Variants in PTPN13 observed in about 807,000 individuals in gnomAD.
PTPN13 encodes the protein protein tyrosine phosphatase non-receptor type 13.
PTPN13 carries 191 observed loss-of-function variants against 284.0 expected under a neutral mutation model. The observed-to-expected ratio is 0.67, with a 90% CI of 0.60 to 0.76. The LOEUF is 0.76. Among genes scored for constraint, PTPN13 ranks in the 30% least tolerant of loss-of-function variants. PTPN13 has a pLI of 0.00. For synonymous variants in PTPN13, 986 were observed against 1,022.3 expected, an observed-to-expected ratio of 0.96 and a Z score of 0.68; for missense variants, 2,797 against 2,939.9, an observed-to-expected ratio of 0.95 and a Z score of 1.12.
At chr4:86,747,569 CAGCAGCAGCAGCAGT>C (rs1565475475) in intron 17 of PTPN13, among the ~76,000 whole-genome samples, 8 of 151,194 alleles carry the variant, frequency 5.3e-5, no homozygotes, top group African/African-American at 1.7e-4. Flanking sequence ...GCAGCAGCAG[CAGCAGCAGCAGCAGT>C]AGTAGTAGTA....
chr4:86,712,083 G>C (rs2149051215), intron 7 of PTPN13, among the ~76,000 whole-genome samples: 1 of 152,114 alleles, frequency 6.6e-6, no homozygotes, highest in South Asian at 2.1e-4. Flanking sequence ...TTTTGTGTCT[G>C]TTTGAAGTTT....
At chr4:86,721,850 A>G (rs1733705016) in intron 9 of PTPN13, among the ~76,000 whole-genome samples, 1 of 150,958 alleles carries the variant, frequency 6.6e-6, no homozygotes, top group Non-Finnish European at 1.5e-5. Context: ...GGCTCAATCA[A>G]TTCTACACCT....
In PTPN13 at chr4:86,796,889, G is replaced by A. The variant is rs1424296058; in HGVS notation, c.6361G>A (p.Gly2121Ser). The A allele has an allele frequency of 1.4e-5, 21 of 1,488,800 alleles. No individual in the cohort carries two copies. Among genetic ancestry groups the A allele is most frequent in the Admixed American group, 1.8e-5 (1 of 54,480 alleles). The allele number at this position is 1,488,800 out of a possible 1,614,324, so 92.2% of individuals were successfully genotyped here. Reference protein sequence around the residue: ...EYFTEATKMNGCEEYCEEKVK... With the variant: ...EYFTEATKMNSCEEYCEEKVK... ...TTTATTGTAGGCCACCAAAATGAAT[G>A]GCTGTGAAGAATATTGTGAAGAAAA... Residue 2121 changes from glycine (G) to serine (S), a missense_variant, in exon 41 of 48, where the codon GGC (glycine) becomes AGC (serine). By Grantham distance (56) the Gly-to-Ser change is moderately conservative. Coordinates refer to ENST00000411767, the MANE Select transcript of PTPN13 (RefSeq NM_080683.3).
chr4:86,767,167 A>G (rs926139566), intron 27 of PTPN13, among the ~76,000 whole-genome samples: 2 of 151,116 alleles, frequency 1.3e-5, no homozygotes, highest in Admixed American at 6.6e-5. Flanking sequence ...CCTAGACAAG[A>G]AGTGATCTTC....
At chr4:86,766,738 C>T (rs1031701235) in intron 27 of PTPN13, 25 of 372,594 alleles carry the variant, frequency 6.7e-5, no homozygotes, top group East Asian at 9.5e-5. Flanking sequence ...TCACATTTAA[C>T]GCTTACATTA....
intron 10 of PTPN13, among the ~76,000 whole-genome samples, chr4:86,729,864 T>C (rs927017046): frequency 2.7e-5 from 4 of 149,694 alleles, no homozygotes; most frequent in African/African-American, 9.8e-5. Context: ...AGTCATTCTC[T>C]GTCCAGCTTT....
At chr4:86,671,242 A>T (rs1351563534) in intron 2 of PTPN13, among the ~76,000 whole-genome samples, 2 of 152,110 alleles carry the variant, frequency 1.3e-5, no homozygotes, top group Non-Finnish European at 2.9e-5. Flanking sequence ...GTCCTGATTT[A>T]AAAAAAATTC....
Position 86,762,708 on chromosome 4 carries a change from G to T in PTPN13, c.3554-19G>T. ...GTATCACTAACTTGTTACTCTCATT[G>T]ATGGATTTTGACTTTTAGTGCCTTC... On this transcript the variant is annotated intron_variant, in intron 23 of 47. Transcript: ENST00000411767. The T allele has an allele frequency of 1.3e-6, 2 of 1,543,026 alleles. No individual in the cohort carries two copies. Among genetic ancestry groups the T allele is most frequent in the South Asian group, 2.3e-5 (2 of 87,734 alleles).
In PTPN13 at chr4:86,798,806, C is replaced by T. The variant is rs118065546; in HGVS notation, c.6402-295C>T. On this transcript the variant is annotated intron_variant, in intron 41 of 47. Transcript: ENST00000411767. ...CTATATGCCGGTACAATTGTAATCA[C>T]TCATCCATGTTGAAGGATAGAAATA... Among the ~76,000 whole-genome samples, 116 of 152,328 alleles carry T rather than the reference C, an allele frequency of 7.6e-4. 1 individual carries two copies. In the East Asian group the frequency reaches 0.017, roughly 22 times the overall value.
intron 44 of PTPN13, 55 bp from the exon 45 acceptor site, chr4:86,807,503 ACT>A (rs1744779119): frequency 1.5e-6 from 2 of 1,312,268 alleles, no homozygotes; most frequent in South Asian, 2.8e-5. Flanking sequence ...AATTTGTAAG[ACT>A]CTTGTTTAAA....
At chr4:86,792,792 T>A (rs1742837779) in intron 40 of PTPN13, among the ~76,000 whole-genome samples, 1 of 152,206 alleles carries the variant, frequency 6.6e-6, no homozygotes. Context: ...TAAAATCCTT[T>A]GCAGACAAGC....
chr4:86,770,007 T>C (rs774626433), intron 29 of PTPN13, 24 bp downstream of exon 29: 2 of 1,612,702 alleles, frequency 1.2e-6, no homozygotes, highest in Admixed American at 3.3e-5. Flanking sequence ...ATGTGGAGTA[T>C]AGCATTTTTA....
At chr4:86,684,477 T>C (rs1729230334) in intron 3 of PTPN13, among the ~76,000 whole-genome samples, 1 of 152,096 alleles carries the variant, frequency 6.6e-6, no homozygotes, top group African/African-American at 2.4e-5. Context: ...TAGAGGAAGG[T>C]CACAGTGAGC....
intron 40 of PTPN13, among the ~76,000 whole-genome samples, 198 bp downstream of exon 40, chr4:86,786,134 A>T (rs1305179314): frequency 6.6e-6 from 1 of 152,114 alleles, no homozygotes; most frequent in East Asian, 1.9e-4. Context: ...AATTTTCTCA[A>T]ATTAAAAAAA....
intron 2 of PTPN13, among the ~76,000 whole-genome samples, chr4:86,658,686 TC>T (rs1467641260): frequency 6.6e-6 from 1 of 152,120 alleles, no homozygotes; most frequent in Non-Finnish European, 1.5e-5. Context: ...ACCTCTGAGT[TC>T]CAGAAGGAAA....
At chr4:86,680,112 A>G (rs966084417) in intron 3 of PTPN13, among the ~76,000 whole-genome samples, 2 of 152,200 alleles carry the variant, frequency 1.3e-5, no homozygotes, top group Non-Finnish European at 2.9e-5. Flanking sequence ...TGCTTGGGAC[A>G]GTACCCAGCA....
In PTPN13 at chr4:86,762,886, G is replaced by T; in HGVS notation, c.3713G>T (p.Gly1238Val). 6.2e-7 allele frequency: 1 copy of T among 1,613,826 alleles called. No individual in the cohort carries two copies. The highest frequency in any genetic ancestry group is 8.5e-7 in the Non-Finnish European group (1 of 1,179,830). Residue 1238 changes from glycine to valine, a missense_variant, in exon 24 of 48, where the codon GGC becomes GTC. Transcript: ENST00000411767. ...GAGAACTCCTTTGGGCCATCTGGGG[G>T]CCTGCGGGAAGGAAGCCTGAGTTCT... ...ISENSFGPSG[G>V]LREGSLSSQD...
At chr4:86,797,262 T>C (rs1743448685) in intron 41 of PTPN13, among the ~76,000 whole-genome samples, 3 of 151,740 alleles carry the variant, frequency 2.0e-5, no homozygotes, top group Non-Finnish European at 4.4e-5. Flanking sequence ...GTGGCTGAGA[T>C]GGGCAGATCA....
intron 10 of PTPN13, among the ~76,000 whole-genome samples, chr4:86,724,744 A>G (rs1734045470): frequency 6.6e-6 from 1 of 151,988 alleles, no homozygotes; most frequent in African/African-American, 2.4e-5. Context: ...GACACATCTT[A>G]ACTTCTTCAT....
Sources: allele counts gnomAD v4.1 joint callset (sites outside exome capture counted in the v4.1 genomes callset), GRCh38; gene constraint gnomAD v4.1.1; transcripts MANE v1.5; gene names NCBI Gene and HGNC (gene_info 2026-07-23, HGNC 2026-07-21).